Variants in SNX6 observed in about 807,000 individuals in gnomAD.
SNX6 encodes the protein sorting nexin 6.
In SNX6, 34 loss-of-function variants were observed where a neutral mutation model predicts 63.0. The observed-to-expected ratio is 0.54, with a 90% confidence interval of 0.41 to 0.72. The LOEUF (loss-of-function observed/expected upper bound fraction) is 0.72. Among genes scored for constraint, SNX6 ranks in the 30% least tolerant of loss-of-function variants. The pLI is 0.00. For synonymous variants in SNX6, 170 were observed against 164.2 expected (o/e 1.04, Z -0.27); for missense variants, 398 against 471.4 (o/e 0.84, Z 1.44).
intron 2 of SNX6, among the ~76,000 whole-genome samples, chr14:34,617,849 A>G (rs1319361996): frequency 6.6e-6 from 1 of 150,768 alleles, no homozygotes; most frequent in Non-Finnish European, 1.5e-5. Context: ...TGAACCCAGG[A>G]GGCAGAGCTT....
intron 13 of SNX6, among the ~76,000 whole-genome samples, 176 bp from the exon 14 acceptor site, chr14:34,563,351 G>A (rs1197227087): frequency 2.6e-5 from 4 of 152,082 alleles, no homozygotes; most frequent in African/African-American, 9.7e-5. Flanking sequence ...GAGGTCAGGA[G>A]ATCGAGACCA....
chr14:34,586,056 C>T (rs893429520), intron 9 of SNX6, among the ~76,000 whole-genome samples, 174 bp downstream of exon 9: 1 of 151,978 alleles, frequency 6.6e-6, no homozygotes, highest in Non-Finnish European at 1.5e-5. Context: ...GTGTGTGTCA[C>T]CCCGCCTGGC....
chr14:34,568,705 G>T, intron 11 of SNX6: 1 of 921,624 alleles, frequency 1.1e-6, no homozygotes, highest in Non-Finnish European at 1.8e-6. Flanking sequence ...CTTCTTGTTG[G>T]CAACTGCCAC....
At chr14:34,600,841 C>T (rs1014287168) in intron 6 of SNX6, among the ~76,000 whole-genome samples, 1 of 151,996 alleles carries the variant, frequency 6.6e-6, no homozygotes, top group Admixed American at 6.6e-5. Context: ...AGTTCGAGAC[C>T]AGCCTGACCA....
At chr14:34,572,826 A>G (rs955773987) in intron 11 of SNX6, among the ~76,000 whole-genome samples, 2 of 151,592 alleles carry the variant, frequency 1.3e-5, no homozygotes, top group Non-Finnish European at 2.9e-5. Context: ...GACTACAGGC[A>G]CCCACCAGCA....
Position 34,596,632 on chromosome 14 carries a change from A to G in SNX6, c.612+918T>C, listed in dbSNP as rs144332960. Among the ~76,000 whole-genome samples the G allele has an allele frequency of 4.8e-3, 725 of 150,702 alleles. 10 individuals are homozygous for G. The highest frequency in any genetic ancestry group is 0.039 in the South Asian group (184 of 4,748). On this transcript the variant is annotated intron_variant, in intron 7 of 13. Transcript: ENST00000362031. Reference sequence around the variant, plus strand: ...AGACTCTATCTCAGGAAAAAAAAAAAAGAGAGAGAGAGAAAATGGAAAAGC... The same window carrying G: ...AGACTCTATCTCAGGAAAAAAAAAAGAGAGAGAGAGAGAAAATGGAAAAGC...
intron 2 of SNX6, among the ~76,000 whole-genome samples, chr14:34,610,178 T>C (rs975733422): frequency 6.8e-6 from 1 of 147,936 alleles, no homozygotes; most frequent in African/African-American, 2.6e-5. Context: ...ACCCTGTCTC[T>C]ACAGAAATTG....
In SNX6 at chr14:34,603,351, T is replaced by G. The variant is rs1882898046; in HGVS notation, c.513A>C (p.Gln171His). The change falls in exon 6 of 14, where the codon CAA becomes CAC. Residue 171 changes from glutamine (Q) to histidine (H), a missense_variant. By Grantham distance (24) the Gln-to-His change is conservative (BLOSUM62 0). Coordinates refer to ENST00000362031, the MANE Select transcript of SNX6 (RefSeq NM_152233.4). The part of the protein sequence containing the change: ...LNFHVFLEYN[Q>H]DLSVRGKNKK... Reference sequence around the variant, plus strand: ...CACCAATCAATGTGATACTCACATCTTGATTATATTCCAAGAAGACATGGA... The same window carrying G: ...CACCAATCAATGTGATACTCACATCGTGATTATATTCCAAGAAGACATGGA... 6.2e-7 allele frequency: 1 copy of G among 1,604,826 alleles called. No homozygotes were observed. The highest frequency in any genetic ancestry group is 1.7e-5 in the Admixed American group (1 of 57,778).
At chr14:34,569,421 G>GTT (rs111736588) in intron 11 of SNX6, among the ~76,000 whole-genome samples, 70 of 144,056 alleles carry the variant, frequency 4.9e-4, no homozygotes, top group African/African-American at 1.5e-3. Context: ...TTCTGGACAT[G>GTT]TTTTTTTTTT....
chr14:34,596,313 A>T (rs1784974317), intron 7 of SNX6, among the ~76,000 whole-genome samples: 1 of 151,322 alleles, frequency 6.6e-6, no homozygotes, highest in Non-Finnish European at 1.5e-5. Context: ...TGGTATTATT[A>T]ACCCTATTTT....
chr14:34,575,410 G>A (rs572937635), intron 11 of SNX6, among the ~76,000 whole-genome samples: 2 of 152,224 alleles, frequency 1.3e-5, no homozygotes, highest in South Asian at 2.1e-4. Context: ...ATGCTAGCCA[G>A]GCTGGTCTTG....
At chr14:34,597,023 T>C (rs1882632388) in intron 7 of SNX6, among the ~76,000 whole-genome samples, 1 of 152,164 alleles carries the variant, frequency 6.6e-6, no homozygotes, top group Non-Finnish European at 1.5e-5. Flanking sequence ...CCCCTAACAT[T>C]TCCAAGGCTA....
At chr14:34,615,882 A>G (rs1039261222) in intron 2 of SNX6, among the ~76,000 whole-genome samples, 3 of 152,246 alleles carry the variant, frequency 2.0e-5, no homozygotes, top group Non-Finnish European at 4.4e-5. Context: ...TATCACTGAA[A>G]AGTTAACATG....
chr14:34,589,297 A>G (rs145861017), intron 8 of SNX6, among the ~76,000 whole-genome samples: 3,324 of 151,872 alleles, frequency 0.022, 56 homozygotes, highest in Middle Eastern at 0.058. Context: ...TCTACTAAAA[A>G]TACAAAAATT....
chr14:34,562,925 A>G lies in SNX6; in HGVS notation c.*197T>C. The G allele has an allele frequency of 1.7e-6, 1 of 602,318 alleles. No individual in the cohort carries two copies. Among genetic ancestry groups the G allele is most frequent in the South Asian group, 2.2e-5 (1 of 46,374 alleles). The allele number at this position is 602,318 out of a possible 1,614,324, so 37.3% of individuals were successfully genotyped here. A position where few individuals can be genotyped will look rare whatever the true frequency, so the allele number is the denominator to read the frequency against. ...GATGGACCACTGTCATGGGGAACAC[A>G]GTGCGGCATCACGGCACACAGACTG... On this transcript the variant is annotated 3_prime_UTR_variant, in exon 14 of 14. Coordinates refer to ENST00000362031, the MANE Select transcript of SNX6 (RefSeq NM_152233.4).
intron 2 of SNX6, among the ~76,000 whole-genome samples, chr14:34,619,620 G>A (rs1370259264): frequency 2.0e-5 from 3 of 152,040 alleles, no homozygotes. Context: ...TTGCAATGAG[G>A]AAGACAATCA....
At chr14:34,567,180 AAAC>A (rs1056191757) in intron 13 of SNX6, among the ~76,000 whole-genome samples, 4 of 150,026 alleles carry the variant, frequency 2.7e-5, no homozygotes, top group African/African-American at 9.8e-5. Flanking sequence ...TCTCAAAACA[AAAC>A]AAAACAAAAA....
At chr14:34,624,031 A>T (rs1883729170) in intron 2 of SNX6, among the ~76,000 whole-genome samples, 1 of 152,222 alleles carries the variant, frequency 6.6e-6, no homozygotes, top group Non-Finnish European at 1.5e-5. Context: ...GGCTAAAGAG[A>T]TGAAAATGTG....
At chr14:34,591,242 C>A (rs982073339) in intron 8 of SNX6, among the ~76,000 whole-genome samples, 4 of 145,384 alleles carry the variant, frequency 2.8e-5, no homozygotes, top group Non-Finnish European at 6.1e-5. Flanking sequence ...AAAAAAAAAC[C>A]CTCACTGGTC....
Sources: allele counts gnomAD v4.1 joint callset (sites outside exome capture counted in the v4.1 genomes callset), GRCh38; gene constraint gnomAD v4.1.1; transcripts MANE v1.5; gene names NCBI Gene and HGNC (gene_info 2026-07-23, HGNC 2026-07-21).